ACSL6: variants seen among roughly 807,000 people sequenced by gnomAD.
ACSL6 encodes long-chain-fatty-acid--CoA ligase 6.
ACSL6 carries 47 observed loss-of-function variants against 98.2 expected under a neutral mutation model. The observed-to-expected ratio is 0.48, with a 90% CI of 0.38 to 0.61. ACSL6 has a LOEUF of 0.61. ACSL6 is among the 20% of genes least tolerant of loss of function. ACSL6 has a pLI of 0.00. For synonymous variants in ACSL6, 362 were observed against 336.9 expected, an observed-to-expected ratio of 1.07 and a Z score of -0.82; for missense variants, 761 against 913.4, an observed-to-expected ratio of 0.83 and a Z score of 2.15.
chr5:132,012,150 C>A, upstream of ACSL6: 1 of 498,640 alleles, frequency 2.0e-6, no homozygotes. Context: ...CCCCCTAGGA[C>A]CCGAGTTTGC....
intron 2 of ACSL6, 63 bp from the exon 3 acceptor site, chr5:131,991,030 G>T: frequency 1.4e-6 from 2 of 1,398,750 alleles, no homozygotes; most frequent in Non-Finnish European, 2.0e-6. Context: ...GGAGAGGGCC[G>T]CAGCATGCAC....
intron 1 of ACSL6, among the ~76,000 whole-genome samples, chr5:131,996,871 C>T (rs1021258651): frequency 6.6e-6 from 1 of 152,158 alleles, no homozygotes; most frequent in Admixed American, 6.5e-5. Context: ...AGAAAAGCTG[C>T]CTGACTTAGG....
chr5:131,962,756 C>T lies in ACSL6; in HGVS notation c.1714-78G>A. 4 of 1,529,268 alleles carry T rather than the reference C, an allele frequency of 2.6e-6. No individual in the cohort carries two copies. The South Asian group carries it at 4.9e-5, about 19-fold the overall frequency. 94.7% of individuals were successfully genotyped at this position (1,529,268 alleles called of 1,614,324 possible). A position where few individuals can be genotyped will look rare whatever the true frequency, so the allele number is the denominator to read the frequency against. On this transcript the variant is annotated intron_variant, in intron 17 of 20. Coordinates refer to ENST00000651883, the MANE Select transcript of ACSL6 (RefSeq NM_001009185.3). ...CCTTTGCTCCTCAGTGCCGTAACTC[C>T]CTGCCCTACCCCACCCTGCAGACCC...
chr5:131,959,235 C>T (rs777463619), intron 20 of ACSL6, among the ~76,000 whole-genome samples: 4 of 152,138 alleles, frequency 2.6e-5, no homozygotes, highest in African/African-American at 4.8e-5. Context: ...CTGTCGTCTT[C>T]GGTAATGCAG....
intron 8 of ACSL6, 63 bp downstream of exon 8, chr5:131,986,759 T>A (rs372364269): frequency 1.9e-6 from 3 of 1,584,278 alleles, no homozygotes; most frequent in Non-Finnish European, 2.6e-6. Context: ...AGTGAGGGAC[T>A]CTGTGAGGAC....
At chr5:131,970,101 C>T in intron 15 of ACSL6, 27 bp downstream of exon 15, 1 of 1,611,642 alleles carries the variant, frequency 6.2e-7, no homozygotes, top group Non-Finnish European at 8.5e-7. Flanking sequence ...CCTCGCGAGC[C>T]AGTCCTATAT....
intron 15 of ACSL6, 34 bp downstream of exon 15, chr5:131,970,094 C>G: frequency 1.2e-6 from 2 of 1,606,000 alleles, no homozygotes; most frequent in Non-Finnish European, 1.7e-6. Context: ...CACAGTGCCT[C>G]GCGAGCCAGT....
chr5:131,990,234 C>A, intron 3 of ACSL6, 70 bp from the exon 4 acceptor site: 1 of 1,503,904 alleles, frequency 6.6e-7, no homozygotes, highest in South Asian at 1.2e-5. Flanking sequence ...ATCCGCCCAT[C>A]AGAAACCTGG....
At chr5:131,985,227 T>C (rs1754110957) in intron 9 of ACSL6, 180 bp downstream of exon 9, 1 of 715,866 alleles carries the variant, frequency 1.4e-6, no homozygotes, top group South Asian at 1.7e-5. Flanking sequence ...TCCATCTGCA[T>C]CTGGCCACTC....
chr5:131,971,243 T>C (rs1580644834), intron 14 of ACSL6, among the ~76,000 whole-genome samples: 1 of 152,200 alleles, frequency 6.6e-6, no homozygotes, highest in African/African-American at 2.4e-5. Context: ...AGTACAGGTA[T>C]GGTACAGATT....
At chr5:132,005,655 A>C (rs1755363961) in intron 1 of ACSL6, among the ~76,000 whole-genome samples, 1 of 152,248 alleles carries the variant, frequency 6.6e-6, no homozygotes, top group Non-Finnish European at 1.5e-5. Flanking sequence ...GGTCTGCAGC[A>C]AAGCTAAGGC....
chr5:131,978,117 A>T (rs1753714281), intron 9 of ACSL6, among the ~76,000 whole-genome samples: 1 of 152,260 alleles, frequency 6.6e-6, no homozygotes, highest in South Asian at 2.1e-4. Context: ...AATCCCAGGG[A>T]ATCTGGATAT....
Position 131,972,778 on chromosome 5 carries a change from A to C in ACSL6, c.1284T>G (p.Ser428Arg), listed in dbSNP as rs1360506269. The C allele has an allele frequency of 6.2e-6, 10 of 1,613,906 alleles. No homozygotes were observed. The highest frequency in any genetic ancestry group is 6.8e-6 in the Non-Finnish European group (8 of 1,180,028). Residue 428 changes from serine (S) to arginine (R), a missense_variant, in exon 13 of 21, where the codon AGT becomes AGG. Ser to Arg is a moderately radical substitution (Grantham distance 110). Transcript: ENST00000651883. The stretch of plus-strand genomic sequence containing the variant: ...AGATACTATCATTCCTGATGATTCC[A>C]CTCCGGACCTCGGCTTGCTTACGCT... ...AAKRKQAEVRSGIIRNDSIWD... is the reference protein window; with the variant it reads ...AAKRKQAEVRRGIIRNDSIWD...
chr5:131,985,367 G>T, intron 9 of ACSL6, 40 bp downstream of exon 9: 1 of 1,612,374 alleles, frequency 6.2e-7, no homozygotes, highest in Non-Finnish European at 8.5e-7. Flanking sequence ...AGGGAAGGGT[G>T]CAGGTAGCCA....
intron 2 of ACSL6, 111 bp downstream of exon 2, chr5:131,993,920 C>A: frequency 8.6e-7 from 1 of 1,156,744 alleles, no homozygotes; most frequent in Non-Finnish European, 1.2e-6. Context: ...AGGGGAGACA[C>A]CTTCTCTGGG....
chr5:131,961,848 A>C (rs1279507791), intron 18 of ACSL6, among the ~76,000 whole-genome samples: 1 of 152,054 alleles, frequency 6.6e-6, no homozygotes, highest in African/African-American at 2.4e-5. Flanking sequence ...TGCAGTACTC[A>C]TTAATTTGTA....
chr5:131,991,071 G>T, intron 2 of ACSL6, 104 bp from the exon 3 acceptor site: 1 of 905,114 alleles, frequency 1.1e-6, no homozygotes, highest in Non-Finnish European at 1.8e-6. Flanking sequence ...TGTACAACCC[G>T]TGCATGCAGT....
Position 131,954,244 on chromosome 5 carries a change from A to T in ACSL6, c.2159T>A (p.Ile720Asn). Residue 720 changes from isoleucine to asparagine, a missense_variant, in exon 21 of 21, where the codon ATC becomes AAC. Coordinates refer to ENST00000651883, the MANE Select transcript of ACSL6 (RefSeq NM_001009185.3). ...AACTTTCCTTGAACTTCACATGGAG[A>T]TTGAGTAAAGCTCTTCTATTTGTTT... ...FKKQIEELYS[I>N]SM The T allele has an allele frequency of 6.2e-7, 1 of 1,612,058 alleles. No individual in the cohort carries two copies. The highest frequency in any genetic ancestry group is 8.5e-7 in the Non-Finnish European group (1 of 1,179,398).
At chr5:131,962,890 G>A (rs909937578) in intron 17 of ACSL6, among the ~76,000 whole-genome samples, 6 of 151,972 alleles carry the variant, frequency 3.9e-5, no homozygotes, top group African/African-American at 1.2e-4. Context: ...CTGCTGGGCC[G>A]TGAGCATCCA....
Sources: gnomAD v4.1 joint callset for allele counts (sites outside exome capture counted in the v4.1 genomes callset) on GRCh38, gnomAD v4.1.1 for gene constraint, MANE v1.5 for transcripts, NCBI Gene and HGNC (gene_info 2026-07-23, HGNC 2026-07-21) for gene names.